Variants in DIAPH1 observed in about 807,000 individuals in gnomAD.
The protein encoded by DIAPH1 is diaphanous related formin 1.
In DIAPH1, 46 loss-of-function variants were observed where a neutral mutation model predicts 140.7. The ratio of observed to expected loss-of-function variants is 0.33; its 90% CI spans 0.26 to 0.42. The LOEUF (loss-of-function observed/expected upper bound fraction) is 0.42, where lower values mean the gene tolerates loss of function less well. Among genes scored for constraint, DIAPH1 ranks in the 10% least tolerant of loss-of-function variants. The pLI, the probability that DIAPH1 is intolerant of heterozygous loss-of-function variation, is 1.00. For synonymous variants in DIAPH1, 565 were observed against 551.6 expected (o/e 1.02, Z -0.34); for missense variants, 1,310 against 1,558.7 (o/e 0.84, Z 2.69).
At chr5:141,517,740 G>A (rs772515120) in intron 27 of DIAPH1, among the ~76,000 whole-genome samples, 1 of 152,158 alleles carries the variant, frequency 6.6e-6, no homozygotes, top group Non-Finnish European at 1.5e-5. Context: ...ATGGACAGGA[G>A]AGGACCCCTA....
chr5:141,609,167 G>GAAAAAAAAAAAAAAAAAAAAAA (rs1491223544), intron 1 of DIAPH1, among the ~76,000 whole-genome samples: 1 of 78,212 alleles, frequency 1.3e-5, no homozygotes. Context: ...ATTACTAAAT[G>GAAAAAAAAAAAAAAAAAAAAAA]CAAAAAAAAA....
chr5:141,532,045 T>C (rs2099888311), intron 19 of DIAPH1, among the ~76,000 whole-genome samples: 1 of 152,218 alleles, frequency 6.6e-6, no homozygotes, highest in Non-Finnish European at 1.5e-5. Flanking sequence ...TCACTCATTT[T>C]CCTGATTTAA....
chr5:141,562,446 TG>T (rs2099893706), intron 18 of DIAPH1, among the ~76,000 whole-genome samples: 1 of 152,158 alleles, frequency 6.6e-6, no homozygotes, highest in Non-Finnish European at 1.5e-5. Flanking sequence ...TATCAGTATT[TG>T]TTTATAACTG....
chr5:141,574,496 T>A (rs2099895659), intron 15 of DIAPH1, among the ~76,000 whole-genome samples: 1 of 152,176 alleles, frequency 6.6e-6, no homozygotes, highest in African/African-American at 2.4e-5. Flanking sequence ...GTCAAGTAAA[T>A]TAAATGTTCT....
intron 18 of DIAPH1, among the ~76,000 whole-genome samples, chr5:141,537,205 C>T (rs1374886772): frequency 6.6e-6 from 1 of 151,934 alleles, no homozygotes; most frequent in Non-Finnish European, 1.5e-5. Flanking sequence ...GAAAATTGGC[C>T]AGACGCGGTG....
At position 141,576,283 on chromosome 5, in the gene DIAPH1, C is replaced by T. The variant is rs781722855; in HGVS notation, c.1408G>A (p.Asp470Asn). The T allele has an allele frequency of 6.2e-7, 1 of 1,613,900 alleles. No homozygotes were observed. The highest frequency in any genetic ancestry group is 8.5e-7 in the Non-Finnish European group (1 of 1,179,750). The change falls in exon 14 of 28, where the codon GAT (aspartate) becomes AAT (asparagine). Residue 470 changes from aspartate to asparagine, a missense_variant. Asp to Asn is a conservative substitution (Grantham distance 23, BLOSUM62 1). Coordinates refer to ENST00000389054, the MANE Select transcript of DIAPH1 (RefSeq NM_005219.5). ...EIEGLIDQMI[D>N]KTKVEKSEAK... ...TCAGATTTCTCCACCTTTGTCTTAT[C>T]AATCATTTGATCTGAAAAGAAGAAG...
At chr5:141,612,260 A>G (rs1306700463) in intron 1 of DIAPH1, among the ~76,000 whole-genome samples, 2 of 152,346 alleles carry the variant, frequency 1.3e-5, no homozygotes, top group African/African-American at 2.4e-5. Context: ...CAATTTCTCA[A>G]TTAAGCATAG....
At chr5:141,600,352 C>G (rs1339841391) in intron 1 of DIAPH1, among the ~76,000 whole-genome samples, 1 of 152,190 alleles carries the variant, frequency 6.6e-6, no homozygotes, top group African/African-American at 2.4e-5. Flanking sequence ...TGATTTCAGC[C>G]TTGTGATATT....
chr5:141,563,177 G>A (rs1425481819), intron 18 of DIAPH1: 2 of 152,128 alleles, frequency 1.3e-5, no homozygotes, highest in Non-Finnish European at 1.5e-5. Context: ...AAGTGGTTCC[G>A]AGCTAGTTCA....
chr5:141,605,232 G>C (rs1228723958), intron 1 of DIAPH1, among the ~76,000 whole-genome samples: 1 of 151,992 alleles, frequency 6.6e-6, no homozygotes, highest in Non-Finnish European at 1.5e-5. Context: ...AATTTTCAAA[G>C]ATTAGAAAGC....
intron 1 of DIAPH1, among the ~76,000 whole-genome samples, chr5:141,590,560 C>A (rs530914647): frequency 9.2e-5 from 14 of 152,238 alleles, no homozygotes; most frequent in African/African-American, 3.4e-4. Context: ...GTTACCGTAG[C>A]CAAGGTTAAA....
chr5:141,539,237 AG>A (rs1349144006), intron 18 of DIAPH1, among the ~76,000 whole-genome samples: 1 of 151,966 alleles, frequency 6.6e-6, no homozygotes, highest in East Asian at 1.9e-4. Context: ...AGATTGCCCC[AG>A]TGCACTCCAG....
chr5:141,600,133 A>G (rs2099899924), intron 1 of DIAPH1, among the ~76,000 whole-genome samples: 1 of 152,216 alleles, frequency 6.6e-6, no homozygotes, highest in Non-Finnish European at 1.5e-5. Context: ...TCAGGATGCC[A>G]TTTCTGGCAT....
intron 1 of DIAPH1, among the ~76,000 whole-genome samples, chr5:141,611,038 T>G (rs1355599770): frequency 6.6e-6 from 1 of 151,632 alleles, no homozygotes; most frequent in Non-Finnish European, 1.5e-5. Context: ...TGCAACTGAG[T>G]TGTCATTGCA....
chr5:141,572,424 T>G (rs1267257232), intron 16 of DIAPH1, among the ~76,000 whole-genome samples: 3 of 152,138 alleles, frequency 2.0e-5, no homozygotes, highest in Non-Finnish European at 2.9e-5. Context: ...TTATATTAAC[T>G]TGGTTTCTAG....
intron 1 of DIAPH1, among the ~76,000 whole-genome samples, chr5:141,617,155 G>A (rs1319154729): frequency 6.6e-6 from 1 of 151,632 alleles, no homozygotes; most frequent in Non-Finnish European, 1.5e-5. Context: ...AGAAATAGAA[G>A]GAATATGAGC....
At chr5:141,555,753 A>G (rs534508322) in intron 18 of DIAPH1, among the ~76,000 whole-genome samples, 6 of 152,362 alleles carry the variant, frequency 3.9e-5, no homozygotes, top group South Asian at 2.1e-4. Flanking sequence ...TCAACAAACA[A>G]TAGTAGAAAA....
At chr5:141,610,870 T>C (rs1397494930) in intron 1 of DIAPH1, among the ~76,000 whole-genome samples, 1 of 147,772 alleles carries the variant, frequency 6.8e-6, no homozygotes, top group Non-Finnish European at 1.5e-5. Flanking sequence ...AGCCCAAGAG[T>C]TCAAGACCAG....
intron 8 of DIAPH1, among the ~76,000 whole-genome samples, chr5:141,579,928 A>G (rs532438079): frequency 6.6e-6 from 1 of 151,738 alleles, no homozygotes; most frequent in African/African-American, 2.4e-5. Flanking sequence ...AGCCTGGGGA[A>G]CAGAGCGAGC....
Sources: allele counts gnomAD v4.1 joint callset (sites outside exome capture counted in the v4.1 genomes callset), GRCh38; gene constraint gnomAD v4.1.1; transcripts MANE v1.5; gene names NCBI Gene and HGNC (gene_info 2026-07-23, HGNC 2026-07-21).